TANGO6: variants seen among roughly 807,000 people sequenced by gnomAD.
The protein encoded by TANGO6 is transport and golgi organization 6 homolog.
TANGO6 carries 90 observed loss-of-function variants against 114.2 expected under a neutral mutation model. The observed-to-expected ratio is 0.79, with a 90% confidence interval of 0.66 to 0.94. The LOEUF (loss-of-function observed/expected upper bound fraction) is 0.94. TANGO6 is among the 40% of genes least tolerant of loss of function. TANGO6 has a pLI of 0.00. For missense variants in TANGO6, 1,274 were observed against 1,315.3 expected (o/e 0.97, Z 0.49); for synonymous variants, 477 against 509.8 (o/e 0.94, Z 0.87).
At position 68,902,443 on chromosome 16, in the gene TANGO6, C is replaced by G. The variant is rs1281677221; in HGVS notation, c.1606C>G (p.Leu536Val). ...CAAAGCTGTGCCCTCTCTCCATTCT[C>G]TGTGTCAGTTTAGAGTTGCCACTCA... Reference protein sequence around the residue: ...LDKAVPSLHSLCQFRVATQGG... With the variant: ...LDKAVPSLHSVCQFRVATQGG... Residue 536 changes from leucine to valine, a missense_variant, in exon 9 of 18, where the codon CTG becomes GTG. This residue lies in a region of TANGO6 where 908 missense variants were observed against 910.2 expected (regional missense o/e 1.00). Coordinates refer to ENST00000261778, the MANE Select transcript of TANGO6 (RefSeq NM_024562.2). 3.1e-6 allele frequency: 5 copies of G among 1,613,770 alleles called. No homozygotes were observed. The highest frequency in any genetic ancestry group is 4.2e-6 in the Non-Finnish European group (5 of 1,179,786).
At chr16:69,067,518 C>CA (rs1199698790) in intron 17 of TANGO6, among the ~76,000 whole-genome samples, 582 of 43,564 alleles carry the variant, frequency 0.013, 9 homozygotes, top group African/African-American at 0.03. Context: ...AACTCCATCT[C>CA]AAAAAAAAAA....
intron 11 of TANGO6, among the ~76,000 whole-genome samples, chr16:68,912,966 G>A (rs1162753115): frequency 6.7e-6 from 1 of 149,926 alleles, no homozygotes; most frequent in African/African-American, 2.5e-5. Context: ...TGTAATCCCA[G>A]CTATTCGGAA....
chr16:69,001,224 T>G (rs190665189), intron 15 of TANGO6, among the ~76,000 whole-genome samples: 9 of 152,310 alleles, frequency 5.9e-5, no homozygotes, highest in African/African-American at 1.9e-4. Context: ...TCACCCTCTA[T>G]GTTCCCAGGC....
chr16:69,053,363 A>G (rs1446731336), intron 17 of TANGO6, among the ~76,000 whole-genome samples: 1 of 152,140 alleles, frequency 6.6e-6, no homozygotes, highest in Non-Finnish European at 1.5e-5. Context: ...CTATGATCAC[A>G]TTTCCTTTCT....
At chr16:69,040,253 T>C in intron 16 of TANGO6, 55 bp from the exon 17 acceptor site, 4 of 1,439,000 alleles carry the variant, frequency 2.8e-6, no homozygotes, top group Non-Finnish European at 3.8e-6. Flanking sequence ...TGAAAGGTTA[T>C]AGGTAATTGT....
chr16:69,078,081 G>A (rs548435492), intron 17 of TANGO6, among the ~76,000 whole-genome samples: 2 of 152,198 alleles, frequency 1.3e-5, no homozygotes, highest in East Asian at 1.9e-4. Flanking sequence ...CGGAGGCCAA[G>A]GGTATAAGAG....
At chr16:69,015,504 C>T (rs574792045) in intron 15 of TANGO6, among the ~76,000 whole-genome samples, 1 of 64,076 alleles carries the variant, frequency 1.6e-5, no homozygotes, top group South Asian at 6.2e-4. Flanking sequence ...TTATTTTAAA[C>T]AGAGTCTTGC....
At position 68,878,182 on chromosome 16, in the gene TANGO6, C is replaced by G. The variant is rs201685091; in HGVS notation, c.1196C>G (p.Thr399Ser). Residue 399 changes from threonine (T) to serine (S), a missense_variant, in exon 6 of 18, where the codon ACT becomes AGT. Physicochemically the swap from Thr to Ser is moderately conservative, Grantham distance 58. Transcript: ENST00000261778. ...CGACAATTTCAGAGAGTTGCCACCACTACCTTTATAACTTTGTCAAGAGAA... is the reference window on the plus strand; with the variant it reads ...CGACAATTTCAGAGAGTTGCCACCAGTACCTTTATAACTTTGTCAAGAGAA... The part of the protein sequence containing the change: ...TARQFQRVAT[T>S]TFITLSRERP... The G allele has an allele frequency of 1.2e-6, 2 of 1,613,372 alleles. No homozygotes were observed. The highest frequency in any genetic ancestry group is 3.3e-5 in the Admixed American group (2 of 59,916).
At chr16:69,023,040 G>C in intron 16 of TANGO6, 61 bp downstream of exon 16, 1 of 1,459,040 alleles carries the variant, frequency 6.9e-7, no homozygotes, top group Non-Finnish European at 9.1e-7. Flanking sequence ...GATGCATCTT[G>C]AGATTGGGAG....
intron 1 of TANGO6, among the ~76,000 whole-genome samples, chr16:68,856,840 TG>T (rs1417730588): frequency 6.6e-6 from 1 of 152,198 alleles, no homozygotes; most frequent in Non-Finnish European, 1.5e-5. Flanking sequence ...CCAGGCGCGG[TG>T]GCTCATGCCT....
chr16:69,041,081 C>T (rs1959765830), intron 17 of TANGO6, among the ~76,000 whole-genome samples: 1 of 152,054 alleles, frequency 6.6e-6, no homozygotes, highest in Non-Finnish European at 1.5e-5. Flanking sequence ...AATTCACCAC[C>T]CAGTATCCAC....
Position 68,860,425 on chromosome 16 carries a change from G to C in TANGO6, c.636G>C (p.Gly212=). ...LLNVAQHTSL[G]SLIFCHHFGD... is the part of the protein sequence containing the mutation. The stretch of plus-strand genomic sequence containing the variant: ...ATGTTGCTCAGCACACATCTCTGGG[G>C]AGCTTGATCTTCTGCCACCACTTTG... The change falls in exon 2 of 18, where the codon GGG becomes GGC. Residue 212 remains glycine (G), a synonymous_variant. Transcript: ENST00000261778. 1 of 1,613,972 alleles carries C rather than the reference G, an allele frequency of 6.2e-7. No homozygotes were observed.
intron 14 of TANGO6, among the ~76,000 whole-genome samples, chr16:68,949,562 A>C (rs1029889792): frequency 6.6e-6 from 1 of 152,036 alleles, no homozygotes; most frequent in Admixed American, 6.6e-5. Context: ...CAGAGGTTGC[A>C]GTGAGCCGAG....
At chr16:68,843,748 GA>G in intron 1 of TANGO6, 37 bp downstream of exon 1, 1 of 1,604,552 alleles carries the variant, frequency 6.2e-7, no homozygotes, top group Non-Finnish European at 8.5e-7. Flanking sequence ...CTGGACCCGG[GA>G]CTCTCAGGGC....
At chr16:68,976,178 C>T (rs1479607844) in intron 15 of TANGO6, among the ~76,000 whole-genome samples, 1 of 152,162 alleles carries the variant, frequency 6.6e-6, no homozygotes, top group Non-Finnish European at 1.5e-5. Context: ...AAGCAGTCTT[C>T]CCACCTTGGC....
At chr16:68,854,461 C>T (rs570701531) in intron 1 of TANGO6, among the ~76,000 whole-genome samples, 1 of 151,970 alleles carries the variant, frequency 6.6e-6, no homozygotes. Flanking sequence ...AGAAAAGAAA[C>T]AAACCAAAAT....
chr16:69,066,331 G>A (rs1307683709), intron 17 of TANGO6, among the ~76,000 whole-genome samples: 1 of 152,170 alleles, frequency 6.6e-6, no homozygotes, highest in South Asian at 2.1e-4. Context: ...GTCTCGCTCT[G>A]TTGCCCAGGT....
chr16:68,947,957 G>A (rs1963434303), intron 14 of TANGO6, among the ~76,000 whole-genome samples: 1 of 151,948 alleles, frequency 6.6e-6, no homozygotes, highest in African/African-American at 2.4e-5. Flanking sequence ...GAGAGTGATG[G>A]AGCTGGGATC....
intron 17 of TANGO6, among the ~76,000 whole-genome samples, chr16:69,064,430 C>G (rs1022138426): frequency 2.0e-5 from 3 of 152,104 alleles, no homozygotes; most frequent in Admixed American, 6.6e-5. Flanking sequence ...TCAGAGTGCC[C>G]TAAAGCAAAC....
Sources: allele counts gnomAD v4.1 joint callset (sites outside exome capture counted in the v4.1 genomes callset), GRCh38; gene constraint gnomAD v4.1.1; regional missense constraint gnomAD v4.1.1; transcripts MANE v1.5; gene names NCBI Gene and HGNC (gene_info 2026-07-23, HGNC 2026-07-21).